The following TNRC6A variants were observed in gnomAD, a reference collection of about 807,000 sequenced individuals.
TNRC6A encodes the protein trinucleotide repeat containing adaptor 6A.
In TNRC6A, 44 loss-of-function variants were observed where a neutral mutation model predicts 221.2. The ratio of observed to expected loss-of-function variants is 0.20; its 90% confidence interval spans 0.16 to 0.26. The LOEUF is 0.26. Ranked by LOEUF, TNRC6A falls within the 10% of genes least tolerant of loss-of-function variation. TNRC6A has a pLI of 1.00. For synonymous variants in TNRC6A, 847 were observed against 838.5 expected (o/e 1.01, Z -0.18); for missense variants, 2,199 against 2,404.4 (o/e 0.91, Z 1.79).
intron 2 of TNRC6A, among the ~76,000 whole-genome samples, chr16:24,666,668 A>AATATATATATATATATATAT (rs1555487102): frequency 6.1e-5 from 4 of 65,136 alleles, no homozygotes; most frequent in African/African-American, 4.0e-4. Flanking sequence ...AAAAAAAAAA[A>AATATATATATATATATATAT]ATATATATAT....
chr16:24,790,387 A>G lies in TNRC6A; in HGVS notation c.1745A>G (p.Gln582Arg). ...TGGGAATCTGGTGCAGCAAACTCCC[A>G]GAGTACATCATGGGGAAGTGGAAAT... ...GVWESGAANS[Q>R]STSWGSGNGA... is the part of the protein sequence containing the mutation. Residue 582 changes from glutamine (Q) to arginine (R), a missense_variant, in exon 6 of 25, where the codon CAG becomes CGG. Transcript: ENST00000395799. 1 of 1,614,224 alleles carries G rather than the reference A, an allele frequency of 6.2e-7. No individual in the cohort carries two copies. The highest frequency in any genetic ancestry group is 8.5e-7 in the Non-Finnish European group (1 of 1,180,020).
At chr16:24,705,876 A>G (rs1176596664) in intron 2 of TNRC6A, among the ~76,000 whole-genome samples, 1 of 152,246 alleles carries the variant, frequency 6.6e-6, no homozygotes, top group Non-Finnish European at 1.5e-5. Flanking sequence ...TAAAAAATAC[A>G]AATTTTAAGA....
chr16:24,702,234 A>C (rs1384648741), intron 2 of TNRC6A, among the ~76,000 whole-genome samples: 1 of 143,796 alleles, frequency 7.0e-6, no homozygotes, highest in Admixed American at 7.3e-5. Flanking sequence ...CTGGAGTGCA[A>C]TGGCACAATC....
At chr16:24,675,700 CTCTATATATATATATA>C (rs1449515507) in intron 2 of TNRC6A, among the ~76,000 whole-genome samples, 3 of 54,880 alleles carry the variant, frequency 5.5e-5, no homozygotes, top group African/African-American at 7.6e-5. Context: ...CTCTCTCTCT[CTCTATATATATATATA>C]TATATATATA....
intron 23 of TNRC6A, among the ~76,000 whole-genome samples, chr16:24,822,638 G>A (rs1301927090): frequency 1.3e-5 from 2 of 152,154 alleles, no homozygotes; most frequent in Admixed American, 6.5e-5. Flanking sequence ...GAGCCACAGT[G>A]GGGATCTGGG....
chr16:24,695,052 C>G (rs1300945263), intron 2 of TNRC6A, among the ~76,000 whole-genome samples: 1 of 152,254 alleles, frequency 6.6e-6, no homozygotes, highest in East Asian at 1.9e-4. Flanking sequence ...ATTCAGAAAA[C>G]CCACATCGGA....
intron 4 of TNRC6A, 56 bp downstream of exon 4, chr16:24,758,416 T>C (rs2057296642): frequency 1.3e-5 from 21 of 1,563,978 alleles, no homozygotes; most frequent in Middle Eastern, 1.7e-4. Context: ...AGGTTGTTTA[T>C]GTGCATTTTT....
intron 19 of TNRC6A, chr16:24,816,534 AACAC>A (rs569250903): frequency 2.5e-5 from 7 of 280,040 alleles, no homozygotes; most frequent in Non-Finnish European, 4.0e-5. Flanking sequence ...ATGATTTTTT[AACAC>A]ACACACAAGT....
chr16:24,814,460 G>T (rs1461035293), intron 18 of TNRC6A, among the ~76,000 whole-genome samples: 2 of 127,472 alleles, frequency 1.6e-5, no homozygotes, highest in African/African-American at 3.3e-5. Flanking sequence ...CCAGGCTAGA[G>T]TGCAGTGGCA....
At chr16:24,791,846 T>G in intron 6 of TNRC6A, 29 bp downstream of exon 6, 1 of 1,473,530 alleles carries the variant, frequency 6.8e-7, no homozygotes. Flanking sequence ...AAATCAAGCC[T>G]TGTTTTAACT....
At chr16:24,660,620 C>T (rs182955628) in intron 2 of TNRC6A, among the ~76,000 whole-genome samples, 2 of 152,110 alleles carry the variant, frequency 1.3e-5, no homozygotes, top group East Asian at 3.9e-4. Context: ...ACTCTTAGTG[C>T]CCTTTGTCAT....
chr16:24,696,596 T>G (rs2055866101), intron 2 of TNRC6A, among the ~76,000 whole-genome samples: 1 of 149,998 alleles, frequency 6.7e-6, no homozygotes, highest in African/African-American at 2.4e-5. Context: ...CCACGCGTGG[T>G]GGCTCGCCTG....
Position 24,720,704 on chromosome 16 carries a change from AAAAG to A in TNRC6A, n.403-30010_403-30007del, listed in dbSNP as rs1412586192. 7.5e-5 allele frequency among the ~76,000 whole-genome samples: 11 copies of A among 147,264 alleles called. No homozygotes were observed. In the East Asian group the frequency reaches 1.4e-3, roughly 19 times the overall value. On this transcript the variant is annotated intron_variant and non_coding_transcript_variant, in intron 2 of 2. Transcript: ENST00000566108. ...AAAACTTCATCTCAAAAAAAAAAAAAAAAGAAAGAAAGAAAAAAAAAAAAGAAAA... is the reference window on the plus strand; with the variant it reads ...AAAACTTCATCTCAAAAAAAAAAAAAAAAGAAAGAAAAAAAAAAAAGAAAA...
chr16:24,793,000 G>C (rs914982308), intron 6 of TNRC6A, among the ~76,000 whole-genome samples: 27 of 152,032 alleles, frequency 1.8e-4, no homozygotes, highest in Non-Finnish European at 3.4e-4. Flanking sequence ...TGTTGCCCAG[G>C]CTGGTCTCAA....
chr16:24,655,497 T>C (rs2054891480), intron 2 of TNRC6A, among the ~76,000 whole-genome samples: 1 of 152,144 alleles, frequency 6.6e-6, no homozygotes, highest in Non-Finnish European at 1.5e-5. Flanking sequence ...GAGACCATCC[T>C]GGCCAACATG....
chr16:24,734,218 G>A (rs899462399), intron 2 of TNRC6A, among the ~76,000 whole-genome samples: 1 of 152,226 alleles, frequency 6.6e-6, no homozygotes, highest in African/African-American at 2.4e-5. Context: ...GAGTGTATAA[G>A]ATACTGAGGA....
chr16:24,720,690 TCAAAAAAAAAAAAAAAA>T (rs2056393635), intron 2 of TNRC6A, among the ~76,000 whole-genome samples: 1 of 35,458 alleles, frequency 2.8e-5, no homozygotes, highest in Non-Finnish European at 5.0e-5. Flanking sequence ...AAACTTCATC[TCAAAAAAAAAAAAAAAA>T]GAAAGAAAGA....
intron 2 of TNRC6A, among the ~76,000 whole-genome samples, chr16:24,652,707 A>C (rs1029742833): frequency 7.9e-5 from 12 of 152,178 alleles, no homozygotes; most frequent in Non-Finnish European, 4.4e-5. Context: ...AAGACGGAAT[A>C]AGAGGGGGAA....
At chr16:24,707,063 T>C (rs547150284) in intron 2 of TNRC6A, among the ~76,000 whole-genome samples, 1 of 152,112 alleles carries the variant, frequency 6.6e-6, no homozygotes, top group South Asian at 2.1e-4. Context: ...TAGCACGATC[T>C]CAACTCATTG....
Sources: allele counts gnomAD v4.1 joint callset (sites outside exome capture counted in the v4.1 genomes callset), GRCh38; gene constraint gnomAD v4.1.1; transcripts MANE v1.5; gene names NCBI Gene and HGNC (gene_info 2026-07-23, HGNC 2026-07-21).